DAB1: variants seen among roughly 807,000 people sequenced by gnomAD.
DAB1 encodes DAB adaptor protein 1.
DAB1 carries 15 observed loss-of-function variants against 64.6 expected under a neutral mutation model. The ratio of observed to expected loss-of-function variants is 0.23; its 90% CI spans 0.16 to 0.36. The LOEUF (loss-of-function observed/expected upper bound fraction) is 0.36. DAB1 is among the 10% of genes least tolerant of loss of function. The pLI, the probability that DAB1 is intolerant of heterozygous loss-of-function variation, is 1.00. For missense variants in DAB1, 596 were observed against 706.7 expected, an observed-to-expected ratio of 0.84 and a Z score of 1.78; for synonymous variants, 235 against 251.9, an observed-to-expected ratio of 0.93 and a Z score of 0.64.
intron 7 of DAB1, among the ~76,000 whole-genome samples, chr1:57,591,251 TCA>T (rs1428489621): frequency 2.6e-5 from 4 of 152,358 alleles, no homozygotes; most frequent in African/African-American, 9.6e-5. Flanking sequence ...TCTCTGATGC[TCA>T]GTCTCCATTA....
chr1:58,377,138 G>A (rs934902041), intron 3 of DAB1, among the ~76,000 whole-genome samples: 2 of 148,972 alleles, frequency 1.3e-5, no homozygotes, highest in African/African-American at 2.5e-5. Context: ...TATCCAACTT[G>A]CCAGTCTGTG....
Position 58,119,211 on chromosome 1 carries a change from A to ATT in DAB1, n.387+31298_387+31299dup, listed in dbSNP as rs1652580902. 4.9e-5 allele frequency among the ~76,000 whole-genome samples: 6 copies of ATT among 123,262 alleles called. No homozygotes were observed. In the South Asian group the frequency reaches 1.9e-3, roughly 39 times the overall value. 80.9% of individuals were successfully genotyped at this position (123,262 alleles called of 152,430 possible). A position where few individuals can be genotyped will look rare whatever the true frequency, so the allele number is the denominator to read the frequency against. On this transcript the variant is annotated intron_variant and non_coding_transcript_variant, in intron 5 of 20. Transcript: ENST00000485760. ...ATCCAAAGAGCTCTGAAAATCAAAT[A>ATT]TTGTGTGTGTGTGCGTGTGTGTGTG... is the stretch of plus-strand genomic sequence containing the variant.
chr1:58,358,925 TTCTTTCTC>T (rs1256092533), intron 3 of DAB1, among the ~76,000 whole-genome samples: 3 of 12,860 alleles, frequency 2.3e-4, no homozygotes, highest in Non-Finnish European at 4.3e-4. Context: ...CCCCCTTCCT[TTCTTTCTC>T]TCTCTCTCTC....
At chr1:57,581,467 G>C (rs991924201) in intron 7 of DAB1, among the ~76,000 whole-genome samples, 4 of 151,996 alleles carry the variant, frequency 2.6e-5, no homozygotes, top group Admixed American at 2.6e-4. Context: ...CTGGTAAATT[G>C]TGCCACCCCT....
chr1:57,355,311 C>G (rs991913710), intron 1 of DAB1, among the ~76,000 whole-genome samples: 1 of 151,382 alleles, frequency 6.6e-6, no homozygotes, highest in African/African-American at 2.4e-5. Context: ...TACCTACCTA[C>G]TTATCTATCT....
At chr1:57,984,358 G>A (rs1007422493) in intron 5 of DAB1, among the ~76,000 whole-genome samples, 8 of 152,084 alleles carry the variant, frequency 5.3e-5, no homozygotes, top group Non-Finnish European at 8.8e-5. Context: ...AATTACAATA[G>A]TGATGGTAAG....
At chr1:57,157,811 C>T (rs940943881) in intron 2 of DAB1, among the ~76,000 whole-genome samples, 3 of 152,166 alleles carry the variant, frequency 2.0e-5, no homozygotes, top group African/African-American at 7.2e-5. Context: ...ATGTGAAAAG[C>T]TGAATGCTAC....
At chr1:58,181,913 C>G (rs1438501292) in intron 4 of DAB1, among the ~76,000 whole-genome samples, 1 of 151,982 alleles carries the variant, frequency 6.6e-6, no homozygotes, top group Non-Finnish European at 1.5e-5. Flanking sequence ...TCCATGAATT[C>G]AAGCTATCAC....
intron 1 of DAB1, among the ~76,000 whole-genome samples, chr1:57,312,407 G>A (rs926776515): frequency 7.2e-5 from 11 of 151,796 alleles, no homozygotes; most frequent in African/African-American, 2.7e-4. Context: ...AGAACTAGAC[G>A]AGAGTTTAGA....
At chr1:57,383,854 T>A (rs1376382311) in intron 1 of DAB1, among the ~76,000 whole-genome samples, 2 of 152,104 alleles carry the variant, frequency 1.3e-5, no homozygotes, top group Non-Finnish European at 2.9e-5. Context: ...TTAGCAACAA[T>A]TTTTTGGATA....
chr1:57,966,550 G>C (rs1287361717), intron 5 of DAB1, among the ~76,000 whole-genome samples: 1 of 152,072 alleles, frequency 6.6e-6, no homozygotes, highest in Non-Finnish European at 1.5e-5. Flanking sequence ...TAAGCCCAGG[G>C]GAAACCAGCA....
At chr1:57,819,192 G>A (rs1319079808) in intron 6 of DAB1, among the ~76,000 whole-genome samples, 6 of 152,184 alleles carry the variant, frequency 3.9e-5, no homozygotes, top group Admixed American at 6.5e-5. Flanking sequence ...ATCCCCAGCC[G>A]CAGTTTGTGT....
chr1:57,117,157 G>A (rs1656210544), intron 4 of DAB1, among the ~76,000 whole-genome samples: 1 of 152,138 alleles, frequency 6.6e-6, no homozygotes, highest in African/African-American at 2.4e-5. Context: ...TGAAAAAGCT[G>A]GAACTCTTGC....
chr1:57,321,888 A>G (rs1045199774), intron 1 of DAB1, among the ~76,000 whole-genome samples: 1 of 134,596 alleles, frequency 7.4e-6, no homozygotes, highest in Non-Finnish European at 1.7e-5. Flanking sequence ...CACAATACCT[A>G]CGACAGATGG....
chr1:57,430,444 C>A (rs1685458829), intron 7 of DAB1, among the ~76,000 whole-genome samples: 1 of 150,270 alleles, frequency 6.7e-6, no homozygotes, highest in Non-Finnish European at 1.5e-5. Context: ...GGCGCCATCT[C>A]GGCTCACTGC....
intron 9 of DAB1, among the ~76,000 whole-genome samples, chr1:57,057,890 G>A (rs1033584650): frequency 1.1e-4 from 16 of 152,210 alleles, no homozygotes; most frequent in East Asian, 1.9e-4. Context: ...TTACAGGCAT[G>A]AGCCACCGCG....
intron 7 of DAB1, among the ~76,000 whole-genome samples, chr1:57,533,383 A>T (rs1480404810): frequency 1.3e-5 from 2 of 151,800 alleles, no homozygotes; most frequent in Non-Finnish European, 2.9e-5. Flanking sequence ...AAAGCATTAA[A>T]GTTTAATGAT....
chr1:58,480,990 A>G lies in DAB1; in HGVS notation n.257+25070T>C, dbSNP rs187943174. The G allele has an allele frequency of 2.2e-5, 19 of 869,926 alleles. No homozygotes were observed. In the East Asian group the frequency reaches 4.1e-4, roughly 19 times the overall value. The allele number at this position is 869,926 out of a possible 1,614,324, so 53.9% of individuals were successfully genotyped here. ...TCAACTGCCCGTTCTTTTCTCAACTATGTATGTTAATGGTATTTGCTCCTG... is the reference window on the plus strand; with the variant it reads ...TCAACTGCCCGTTCTTTTCTCAACTGTGTATGTTAATGGTATTTGCTCCTG... On this transcript the variant is annotated intron_variant and non_coding_transcript_variant, in intron 3 of 20. Coordinates refer to the DAB1 transcript ENST00000485760.
At chr1:57,345,024 T>G (rs1677967475) in intron 1 of DAB1, among the ~76,000 whole-genome samples, 1 of 152,200 alleles carries the variant, frequency 6.6e-6, no homozygotes, top group South Asian at 2.1e-4. Context: ...CCAGACAGTC[T>G]TGTTTATCTG....
Sources: allele counts gnomAD v4.1 joint callset (sites outside exome capture counted in the v4.1 genomes callset), GRCh38; gene constraint gnomAD v4.1.1; transcripts MANE v1.5; gene names NCBI Gene and HGNC (gene_info 2026-07-23, HGNC 2026-07-21).